The following MGAT1 variants were observed in gnomAD, a reference collection of about 807,000 sequenced individuals.
MGAT1 encodes the protein alpha-1,3-mannosyl-glycoprotein 2-beta-N-acetylglucosaminyltransferase, also known as N-glycosyl-oligosaccharide-glycoprotein N-acetylglucosaminyltransferase I.
MGAT1 carries 14 observed loss-of-function variants against 31.7 expected under a neutral mutation model. The ratio of observed to expected loss-of-function variants is 0.44; its 90% CI spans 0.29 to 0.69. The LOEUF (loss-of-function observed/expected upper bound fraction) is 0.69. Ranked by LOEUF, MGAT1 falls within the 30% of genes least tolerant of loss-of-function variation. MGAT1 has a pLI of 0.12. For synonymous variants in MGAT1, 338 were observed against 276.0 expected, an observed-to-expected ratio of 1.22 and a Z score of -2.23; for missense variants, 557 against 626.0, an observed-to-expected ratio of 0.89 and a Z score of 1.18.
rs1333194025 is a variant in MGAT1 at position 180,789,947 on chromosome 5, A to G, written c.*1687T>C. On this transcript the variant is annotated 3_prime_UTR_variant, in exon 2 of 2. Coordinates refer to ENST00000307826, the MANE Select transcript of MGAT1 (RefSeq NM_002406.4). ...GCCCGGCCGCGTTTTGTTCTTTTAA[A>G]TGAATTAGTGGAGAACAGAAACTCT... 1 of 152,180 alleles carries G rather than the reference A, an allele frequency of 6.6e-6. No individual in the cohort carries two copies. The highest frequency in any genetic ancestry group is 6.5e-5 in the Admixed American group (1 of 15,282). 9.4% of individuals were successfully genotyped at this position (152,180 alleles called of 1,614,324 possible).
At chr5:180,807,906 G>T (rs1386844854) in intron 2 of MGAT1, among the ~76,000 whole-genome samples, 1 of 152,202 alleles carries the variant, frequency 6.6e-6, no homozygotes, top group Admixed American at 6.5e-5. Context: ...TTTAAGGCAC[G>T]TAGAGCAACA....
upstream of MGAT1, among the ~76,000 whole-genome samples, chr5:180,805,288 T>G (rs1370791402): frequency 1.3e-5 from 2 of 152,070 alleles, no homozygotes; most frequent in Non-Finnish European, 2.9e-5. Flanking sequence ...TACTCTCCCC[T>G]GCCCACTCCA....
chr5:180,798,420 T>C (rs1274736345), intron 1 of MGAT1, among the ~76,000 whole-genome samples: 2 of 152,282 alleles, frequency 1.3e-5, no homozygotes, highest in African/African-American at 4.8e-5. Context: ...CCTGGGACCA[T>C]GTAAGGTCCA....
intron 1 of MGAT1, among the ~76,000 whole-genome samples, chr5:180,801,799 T>C (rs1025474693): frequency 6.6e-5 from 10 of 152,174 alleles, no homozygotes; most frequent in African/African-American, 2.2e-4. Context: ...CCCCGAACAG[T>C]AATGAGTTTC....
At chr5:180,815,130 C>T (rs1224095258) in intron 1 of MGAT1, among the ~76,000 whole-genome samples, 2 of 151,976 alleles carry the variant, frequency 1.3e-5, no homozygotes, top group Admixed American at 1.3e-4. Flanking sequence ...CATGACATGG[C>T]AGGGGGACTG....
chr5:180,792,362 C>T lies in MGAT1; in HGVS notation c.610G>A (p.Ala204Thr). The T allele has an allele frequency of 6.2e-7, 1 of 1,610,998 alleles. No homozygotes were observed. The highest frequency in any genetic ancestry group is 8.5e-7 in the Non-Finnish European group (1 of 1,178,172). The change falls in exon 2 of 2, where the codon GCG becomes ACG. Residue 204 changes from alanine to threonine, a missense_variant. Ala to Thr is a moderately conservative substitution (Grantham distance 58). Coordinates refer to ENST00000307826, the MANE Select transcript of MGAT1 (RefSeq NM_002406.4). ...GQVFRQFRFPAAVVVEDDLEV... is the reference protein window; with the variant it reads ...GQVFRQFRFPTAVVVEDDLEV... The stretch of plus-strand genomic sequence containing the variant: ...AGGTCATCCTCCACCACCACGGCCG[C>T]GGGGAAGCGAAACTGCCGGAAGACC...
At chr5:180,804,366 G>C (rs897681420), upstream of MGAT1, among the ~76,000 whole-genome samples, 3 of 152,226 alleles carry the variant, frequency 2.0e-5, no homozygotes, top group Non-Finnish European at 2.9e-5. Context: ...AGAGGGCTCT[G>C]TCTCCTCTCA....
intron 1 of MGAT1, among the ~76,000 whole-genome samples, chr5:180,800,072 GT>G (rs1296204977): frequency 6.6e-6 from 1 of 152,218 alleles, no homozygotes; most frequent in African/African-American, 2.4e-5. Flanking sequence ...TAGCTGAGAT[GT>G]TAATAAAATG....
intron 1 of MGAT1, among the ~76,000 whole-genome samples, chr5:180,799,415 C>T (rs1770217924): frequency 6.6e-6 from 1 of 152,188 alleles, no homozygotes; most frequent in Admixed American, 6.5e-5. Flanking sequence ...CAGGCCACTT[C>T]AGGTGACTCC....
chr5:180,798,742 C>G (rs1399374653), intron 1 of MGAT1, among the ~76,000 whole-genome samples: 1 of 152,222 alleles, frequency 6.6e-6, no homozygotes, highest in Non-Finnish European at 1.5e-5. Flanking sequence ...TTTTCTCTCT[C>G]CTGCTGTGGC....
rs1429282130 is a variant in MGAT1 at position 180,792,860 on chromosome 5, G to T, written c.112C>A (p.Pro38Thr). Residue 38 changes from proline to threonine, a missense_variant, in exon 2 of 2, where the codon CCC becomes ACC. Physicochemically the swap from Pro to Thr is conservative, Grantham distance 38. Transcript: ENST00000307826. ...TCGCCATCGAGAGCGCTGACTGAGG[G>T]TGGCCTGCCAGGTGCTGGGCGCGTC... The part of the protein sequence containing the change: ...FWTRPAPGRP[P>T]SVSALDGDPA... 4 of 1,577,668 alleles carry T rather than the reference G, an allele frequency of 2.5e-6. No individual in the cohort carries two copies. Among genetic ancestry groups the T allele is most frequent in the Non-Finnish European group, 3.4e-6 (4 of 1,162,542 alleles).
chr5:180,804,521 T>C (rs12054947), upstream of MGAT1, among the ~76,000 whole-genome samples: 19,301 of 152,270 alleles, frequency 0.13, 1,276 homozygotes, highest in East Asian at 0.24. Context: ...CTGCGCGCAC[T>C]GTGGCAGGAG....
upstream of MGAT1, among the ~76,000 whole-genome samples, chr5:180,804,904 A>G (rs1435701498): frequency 6.6e-6 from 1 of 152,194 alleles, no homozygotes; most frequent in African/African-American, 2.4e-5. Context: ...CCTTGGCTGA[A>G]ATCCCAAGGC....
chr5:180,811,415 G>A (rs1344082413), intron 1 of MGAT1: 2 of 152,190 alleles, frequency 1.3e-5, no homozygotes, highest in African/African-American at 2.4e-5. Context: ...CAAGGAAGAA[G>A]AAAATAAGAC....
In MGAT1 at chr5:180,791,433, A is replaced by G; in HGVS notation, c.*201T>C. On this transcript the variant is annotated 3_prime_UTR_variant, in exon 2 of 2. Coordinates refer to ENST00000307826, the MANE Select transcript of MGAT1 (RefSeq NM_002406.4). Reference sequence around the variant, plus strand: ...TTAATACCCCGCAACATACCCTAGAATAGTTCCCCTGATCTGACTCCCTTG... The same window carrying G: ...TTAATACCCCGCAACATACCCTAGAGTAGTTCCCCTGATCTGACTCCCTTG... 1 of 687,656 alleles carries G rather than the reference A, an allele frequency of 1.5e-6. No homozygotes were observed. The allele number at this position is 687,656 out of a possible 1,614,324, so 42.6% of individuals were successfully genotyped here. A position where few individuals can be genotyped will look rare whatever the true frequency, so the allele number is the denominator to read the frequency against.
rs911351543 is a variant in MGAT1 at position 180,787,291 on chromosome 5, C to T, written c.*4343G>A. 6.6e-6 allele frequency: 1 copy of T among 152,298 alleles called. No homozygotes were observed. The highest frequency in any genetic ancestry group is 2.4e-5 in the African/African-American group (1 of 41,454). 9.4% of individuals were successfully genotyped at this position (152,298 alleles called of 1,614,324 possible). ...GCCCTGGTGTCTACTTCCTAAACTC[C>T]CTGTGAATTGCCAGGGGCCAGAATG... On this transcript the variant is annotated 3_prime_UTR_variant, in exon 2 of 2. Coordinates refer to ENST00000307826, the MANE Select transcript of MGAT1 (RefSeq NM_002406.4).
rs1767574001 is a variant in MGAT1 at position 180,786,453 on chromosome 5, A to G, written c.*5181T>C. 1 of 152,198 alleles carries G rather than the reference A, an allele frequency of 6.6e-6. No individual in the cohort carries two copies. The highest frequency in any genetic ancestry group is 1.5e-5 in the Non-Finnish European group (1 of 68,072). 9.4% of individuals were successfully genotyped at this position (152,198 alleles called of 1,614,324 possible). On this transcript the variant is annotated 3_prime_UTR_variant, in exon 2 of 2. Transcript: ENST00000307826. ...GGCCGTGGTCCCTGTAGTCGCCCATACAATCACTCCCTTCTTAGTAACAGG... is the reference window on the plus strand; with the variant it reads ...GGCCGTGGTCCCTGTAGTCGCCCATGCAATCACTCCCTTCTTAGTAACAGG...
rs1767529988 is a variant in MGAT1, at chr5:180,785,782, A to C, written c.*5852T>G. On this transcript the variant is annotated 3_prime_UTR_variant, in exon 2 of 2. Coordinates refer to ENST00000307826, the MANE Select transcript of MGAT1 (RefSeq NM_002406.4). ...GCCCTTTTCCTAAATAGAAACTCTG[A>C]AAAGTAATCAAACAGTATTTCCAAA... is the stretch of plus-strand genomic sequence containing the variant. 1 of 152,310 alleles carries C rather than the reference A, an allele frequency of 6.6e-6. No individual in the cohort carries two copies. The highest frequency in any genetic ancestry group is 2.4e-5 in the African/African-American group (1 of 41,474). 9.4% of individuals were successfully genotyped at this position (152,310 alleles called of 1,614,324 possible). A position where few individuals can be genotyped will look rare whatever the true frequency, so the allele number is the denominator to read the frequency against.
chr5:180,804,484 G>C (rs1484010897), upstream of MGAT1, among the ~76,000 whole-genome samples: 2 of 152,208 alleles, frequency 1.3e-5, no homozygotes, highest in South Asian at 2.1e-4. Context: ...CGATGTGCGG[G>C]AAGCCCGTGG....
Sources: gnomAD v4.1 joint callset for allele counts (sites outside exome capture counted in the v4.1 genomes callset) on GRCh38, gnomAD v4.1.1 for gene constraint, MANE v1.5 for transcripts, NCBI Gene and HGNC (gene_info 2026-07-23, HGNC 2026-07-21) for gene names.